Variants in PLCE1 observed in about 807,000 individuals in gnomAD.
PLCE1 encodes 1-phosphatidylinositol 4,5-bisphosphate phosphodiesterase epsilon-1.
Under a neutral mutation model 242.8 loss-of-function variants are expected in PLCE1, and 119 were observed. That is an observed-to-expected ratio of 0.49 (90% CI 0.42 to 0.57). PLCE1 has a LOEUF of 0.57. PLCE1 is among the 20% of genes least tolerant of loss of function. The pLI is 0.00. For synonymous variants in PLCE1, 945 were observed against 1,017.4 expected, an observed-to-expected ratio of 0.93 and a Z score of 1.35; for missense variants, 2,441 against 2,788.8, an observed-to-expected ratio of 0.88 and a Z score of 2.81.
At chr10:94,114,804 CAT>C (rs2046069065) in intron 2 of PLCE1, among the ~76,000 whole-genome samples, 1 of 151,332 alleles carries the variant, frequency 6.6e-6, no homozygotes, top group Non-Finnish European at 1.5e-5. Context: ...CATGTGCACA[CAT>C]GTGCACAACG....
At chr10:94,076,446 T>A (rs1292526123) in intron 2 of PLCE1, among the ~76,000 whole-genome samples, 1 of 152,116 alleles carries the variant, frequency 6.6e-6, no homozygotes, top group Non-Finnish European at 1.5e-5. Context: ...AGGACAAAGG[T>A]CTTCCAGGGT....
chr10:94,158,431 G>C (rs907979461), intron 3 of PLCE1, among the ~76,000 whole-genome samples: 3 of 152,158 alleles, frequency 2.0e-5, no homozygotes, highest in African/African-American at 7.2e-5. Flanking sequence ...AGAAATAGAT[G>C]AGTGATCAGT....
Position 94,032,167 on chromosome 10 carries a change from C to T in PLCE1, c.1121C>T (p.Pro374Leu), listed in dbSNP as rs199906617. ...CAGAAGAGAAATGGTCCCTTACTGC[C>T]TTGTGGGAGAGTAATGGAACCCCCG... ...IDQKRNGPLL[P>L]CGRVMEPPST... The change falls in exon 2 of 33, where the codon CCT becomes CTT. Residue 374 changes from proline (P) to leucine (L), a missense_variant. Pro to Leu is a moderately conservative substitution (Grantham distance 98, BLOSUM62 -3). Around this residue, in one of 5 missense-constraint regions of PLCE1, gnomAD observed 733 missense variants for 754.2 expected, o/e 0.97. Transcript: ENST00000371380. The T allele has an allele frequency of 1.9e-6, 3 of 1,610,568 alleles. No homozygotes were observed. In the Admixed American group the frequency reaches 5.1e-5, roughly 27 times the overall value.
chr10:94,057,776 T>A (rs1187694897), intron 2 of PLCE1, among the ~76,000 whole-genome samples: 1 of 152,236 alleles, frequency 6.6e-6, no homozygotes, highest in Non-Finnish European at 1.5e-5. Flanking sequence ...ATGGTGTGGC[T>A]GTAATCTTTG....
chr10:94,012,276 G>A (rs1203113709), intron 1 of PLCE1, among the ~76,000 whole-genome samples: 1 of 151,850 alleles, frequency 6.6e-6, no homozygotes, highest in African/African-American at 2.4e-5. Context: ...ATCTTTTGAG[G>A]CCTCTTGTTT....
intron 2 of PLCE1, chr10:94,089,034 C>A (rs1008772632): frequency 1.9e-6 from 3 of 1,561,776 alleles, no homozygotes; most frequent in Admixed American, 3.4e-5. Context: ...TCACCCTGCA[C>A]GTTGCAGGAT....
intron 4 of PLCE1, among the ~76,000 whole-genome samples, chr10:94,217,055 G>A (rs553716063): frequency 6.7e-6 from 1 of 150,250 alleles, no homozygotes; most frequent in East Asian, 2.0e-4. Context: ...CTTCATAAAA[G>A]AGAAAATGGA....
At chr10:94,215,440 C>T (rs1004986762) in intron 4 of PLCE1, among the ~76,000 whole-genome samples, 3 of 152,134 alleles carry the variant, frequency 2.0e-5, no homozygotes, top group Admixed American at 6.5e-5. Context: ...TAGTGGTCAC[C>T]GTGCAGTATA....
intron 4 of PLCE1, among the ~76,000 whole-genome samples, chr10:94,208,883 A>G (rs183510716): frequency 1.1e-4 from 17 of 152,386 alleles, no homozygotes; most frequent in Admixed American, 9.1e-4. Context: ...AGGTTGGAGA[A>G]CCAAACTAAT....
intron 2 of PLCE1, among the ~76,000 whole-genome samples, chr10:94,046,863 A>G (rs1355150179): frequency 6.6e-6 from 1 of 152,234 alleles, no homozygotes; most frequent in African/African-American, 2.4e-5. Flanking sequence ...TGTAAAGATT[A>G]GTAGACTTTT....
intron 4 of PLCE1, chr10:94,225,326 T>G (rs2049900140): frequency 6.6e-6 from 1 of 152,204 alleles, no homozygotes; most frequent in Admixed American, 6.5e-5. Context: ...CCTTCACATA[T>G]GCAGCTCAAA....
intron 18 of PLCE1, among the ~76,000 whole-genome samples, chr10:94,271,306 CTTTTTTTTTTTT>C (rs35048796): frequency 1.4e-5 from 1 of 73,264 alleles, no homozygotes; most frequent in Non-Finnish European, 2.6e-5. Flanking sequence ...AGAAGATCAT[CTTTTTTTTTTTT>C]TTTTTTTTTT....
chr10:94,027,899 A>C (rs1186115422), intron 1 of PLCE1, among the ~76,000 whole-genome samples: 1 of 152,186 alleles, frequency 6.6e-6, no homozygotes, highest in Non-Finnish European at 1.5e-5. Context: ...ATGGGTCTTC[A>C]TAGCTAGAAG....
At position 94,324,503 on chromosome 10, in the gene PLCE1, T is replaced by C; in HGVS notation, c.6656T>C (p.Phe2219Ser). 1 of 1,614,154 alleles carries C rather than the reference T, an allele frequency of 6.2e-7. No individual in the cohort carries two copies. Among genetic ancestry groups the C allele is most frequent in the Non-Finnish European group, 8.5e-7 (1 of 1,180,020 alleles). ...GTCCTTCTGGATCAGGAGTGTGTGTTTCAAGCCCAAAGCAAGTGGAAAGGT... is the reference window on the plus strand; with the variant it reads ...GTCCTTCTGGATCAGGAGTGTGTGTCTCAAGCCCAAAGCAAGTGGAAAGGT... Reference protein sequence around the residue: ...QRVLLDQECVFQAQSKWKGAG... With the variant: ...QRVLLDQECVSQAQSKWKGAG... The change falls in exon 31 of 33, where the codon TTT (phenylalanine) becomes TCT (serine). Residue 2219 changes from phenylalanine (F) to serine (S), a missense_variant. Phe to Ser is a radical substitution (Grantham distance 155, BLOSUM62 -2). Transcript: ENST00000371380.
intron 29 of PLCE1, among the ~76,000 whole-genome samples, chr10:94,320,835 G>C (rs2053772523): frequency 6.6e-6 from 1 of 152,132 alleles, no homozygotes. Flanking sequence ...GCTTTACATA[G>C]TCACATACAC....
At chr10:94,222,999 G>C (rs2137107751) in intron 4 of PLCE1, among the ~76,000 whole-genome samples, 1 of 152,158 alleles carries the variant, frequency 6.6e-6, no homozygotes, top group Middle Eastern at 3.4e-3. Context: ...AGAGGGCACA[G>C]CTGGACGACA....
chr10:94,263,810 G>A (rs755339481), intron 14 of PLCE1, among the ~76,000 whole-genome samples: 1 of 152,002 alleles, frequency 6.6e-6, no homozygotes, highest in African/African-American at 2.4e-5. Context: ...CATTATTAGT[G>A]TAATAATATT....
chr10:94,075,096 G>A (rs1375797620), intron 2 of PLCE1, among the ~76,000 whole-genome samples: 4 of 152,078 alleles, frequency 2.6e-5, no homozygotes, highest in African/African-American at 7.2e-5. Context: ...AACTAACACA[G>A]GAATTATCTT....
intron 4 of PLCE1, among the ~76,000 whole-genome samples, chr10:94,204,828 G>T (rs2049106642): frequency 6.6e-6 from 1 of 151,928 alleles, no homozygotes; most frequent in South Asian, 2.1e-4. Flanking sequence ...TGTAGAAAAT[G>T]ATGGTGTCTT....
Sources: allele counts gnomAD v4.1 joint callset (sites outside exome capture counted in the v4.1 genomes callset), GRCh38; gene constraint gnomAD v4.1.1; regional missense constraint gnomAD v4.1.1; transcripts MANE v1.5; gene names NCBI Gene and HGNC (gene_info 2026-07-23, HGNC 2026-07-21).